Variants in LAMP3 observed in about 807,000 individuals in gnomAD.
LAMP3 encodes lysosome-associated membrane glycoprotein 3.
LAMP3 carries 26 observed loss-of-function variants against 34.8 expected under a neutral mutation model. The ratio of observed to expected loss-of-function variants is 0.75; its 90% CI spans 0.55 to 1.04. The LOEUF (loss-of-function observed/expected upper bound fraction) is 1.04, where lower values mean the gene tolerates loss of function less well. Ranked by LOEUF, LAMP3 falls within the 50% of genes least tolerant of loss-of-function variation. LAMP3 has a pLI of 0.00. For missense variants in LAMP3, 495 were observed against 524.0 expected (o/e 0.94, Z 0.54); for synonymous variants, 180 against 201.9 (o/e 0.89, Z 0.92).
chr3:183,133,134 C>T (rs930519027), intron 5 of LAMP3, among the ~76,000 whole-genome samples: 18 of 152,308 alleles, frequency 1.2e-4, no homozygotes, highest in East Asian at 1.9e-4. Flanking sequence ...GGATCTGACA[C>T]GTGTAGCACT....
intron 5 of LAMP3, among the ~76,000 whole-genome samples, chr3:183,133,416 A>T (rs1255157816): frequency 3.9e-5 from 6 of 152,212 alleles, no homozygotes; most frequent in Non-Finnish European, 7.4e-5. Flanking sequence ...ATGCAGTGAC[A>T]CAATCTCGGC....
chr3:183,125,947 C>T (rs755157305), intron 5 of LAMP3, among the ~76,000 whole-genome samples: 4 of 152,084 alleles, frequency 2.6e-5, no homozygotes, highest in Non-Finnish European at 4.4e-5. Flanking sequence ...GGATTACAGG[C>T]GTGAGCCACC....
intron 5 of LAMP3, among the ~76,000 whole-genome samples, 187 bp downstream of exon 5, chr3:183,135,530 G>A (rs1720055334): frequency 6.6e-6 from 1 of 152,204 alleles, no homozygotes; most frequent in African/African-American, 2.4e-5. Context: ...AGCCGTGACT[G>A]GGTGGGTGCA....
At chr3:183,162,476 G>A in intron 1 of LAMP3, 131 bp downstream of exon 1, 1 of 868,898 alleles carries the variant, frequency 1.2e-6, no homozygotes, top group South Asian at 1.4e-5. Context: ...AGTTCCAGCT[G>A]GGAAGCCCTT....
At chr3:183,146,067 A>G (rs1403090129) in intron 3 of LAMP3, among the ~76,000 whole-genome samples, 1 of 152,224 alleles carries the variant, frequency 6.6e-6, no homozygotes, top group Non-Finnish European at 1.5e-5. Flanking sequence ...TTATATTATA[A>G]TGAATAAACT....
chr3:183,150,033 G>C (rs1470007990), intron 3 of LAMP3, among the ~76,000 whole-genome samples: 1 of 152,164 alleles, frequency 6.6e-6, no homozygotes, highest in Non-Finnish European at 1.5e-5. Flanking sequence ...GAATGAATAA[G>C]GAACATGTGG....
intron 1 of LAMP3, among the ~76,000 whole-genome samples, chr3:183,159,996 C>T (rs1008671101): frequency 6.6e-6 from 1 of 152,196 alleles, no homozygotes; most frequent in African/African-American, 2.4e-5. Flanking sequence ...GTAGAAGTCA[C>T]ATACCTATAT....
chr3:183,135,944 G>A, intron 4 of LAMP3, 57 bp from the exon 5 acceptor site: 1 of 1,421,386 alleles, frequency 7.0e-7, no homozygotes, highest in Non-Finnish European at 9.9e-7. Context: ...CTGAGCTCCA[G>A]CTGTGGCCGG....
intron 3 of LAMP3, among the ~76,000 whole-genome samples, chr3:183,150,855 C>G (rs1430400107): frequency 6.6e-6 from 1 of 152,116 alleles, no homozygotes; most frequent in South Asian, 2.1e-4. Flanking sequence ...TTCTTGTCAT[C>G]TCTATAGTTT....
intron 1 of LAMP3, among the ~76,000 whole-genome samples, chr3:183,155,760 A>T (rs112355322): frequency 9.2e-5 from 14 of 152,346 alleles, no homozygotes; most frequent in Admixed American, 2.6e-4. Flanking sequence ...AACTGTGTGT[A>T]CCATTTTTAC....
intron 3 of LAMP3, among the ~76,000 whole-genome samples, chr3:183,144,970 C>T (rs544011845): frequency 6.6e-6 from 1 of 152,260 alleles, no homozygotes; most frequent in East Asian, 1.9e-4. Flanking sequence ...GGACCTCAGT[C>T]GGCCAGTGCA....
chr3:183,147,125 C>T (rs1312028628), intron 3 of LAMP3, among the ~76,000 whole-genome samples: 2 of 152,026 alleles, frequency 1.3e-5, no homozygotes, highest in African/African-American at 2.4e-5. Context: ...CACCTGTAGT[C>T]CCAGCTACTC....
At chr3:183,149,610 TACACAC>T (rs568430015) in intron 3 of LAMP3, among the ~76,000 whole-genome samples, 2,826 of 127,018 alleles carry the variant, frequency 0.022, 50 homozygotes, top group Middle Eastern at 0.075. Context: ...TATATATGTA[TACACAC>T]ACACACACAC....
intron 1 of LAMP3, among the ~76,000 whole-genome samples, chr3:183,157,233 C>CT (rs774186734): frequency 3.3e-5 from 5 of 151,992 alleles, no homozygotes; most frequent in Admixed American, 2.0e-4. Flanking sequence ...CTTTAAGGGT[C>CT]TTTTTTTTAA....
chr3:183,136,659 A>AAAG (rs1180840772), intron 4 of LAMP3, among the ~76,000 whole-genome samples: 1 of 144,576 alleles, frequency 6.9e-6, no homozygotes, highest in Non-Finnish European at 1.5e-5. Context: ...TTCAGAAAAA[A>AAAG]AAAAAAAAAA....
intron 3 of LAMP3, among the ~76,000 whole-genome samples, chr3:183,151,794 A>G (rs684703): frequency 0.88 from 133,057 of 151,716 alleles, 58,456 homozygotes; most frequent in Middle Eastern, 0.92. Flanking sequence ...TAAAGACCAA[A>G]CAGGTTAAGT....
chr3:183,153,635 C>T (rs1720725289), intron 2 of LAMP3, 47 bp downstream of exon 2: 2 of 1,369,222 alleles, frequency 1.5e-6, no homozygotes, highest in South Asian at 1.5e-5. Flanking sequence ...GCAACCTCCA[C>T]TCAGACTTTT....
chr3:183,152,172 CT>C (rs1720656387), intron 3 of LAMP3, among the ~76,000 whole-genome samples: 1 of 152,128 alleles, frequency 6.6e-6, no homozygotes, highest in Admixed American at 6.6e-5. Context: ...CCCTGAAGCC[CT>C]TTTTGGGCTG....
intron 3 of LAMP3, among the ~76,000 whole-genome samples, chr3:183,142,211 C>A (rs577077896): frequency 1.3e-5 from 2 of 152,070 alleles, no homozygotes; most frequent in Admixed American, 6.5e-5. Context: ...GTCCACAGTC[C>A]GGGTTACAAG....
Sources: allele counts gnomAD v4.1 joint callset (sites outside exome capture counted in the v4.1 genomes callset), GRCh38; gene constraint gnomAD v4.1.1; transcripts MANE v1.5; gene names NCBI Gene and HGNC (gene_info 2026-07-23, HGNC 2026-07-21).